The following DCDC2C variants were observed in gnomAD, a reference collection of about 807,000 sequenced individuals.
DCDC2C encodes the protein doublecortin domain-containing protein 2C.
A neutral mutation model predicts 45.0 loss-of-function variants in DCDC2C; 44 were observed. That is an observed-to-expected ratio of 0.98 (90% CI 0.77 to 1.26). The LOEUF (loss-of-function observed/expected upper bound fraction) is 1.26, where lower values mean the gene tolerates loss of function less well. DCDC2C is among the 50% of genes most tolerant of loss of function. DCDC2C has a pLI of 0.00. For missense variants in DCDC2C, 447 were observed against 468.9 expected (o/e 0.95, Z 0.43); for synonymous variants, 187 against 178.8 (o/e 1.05, Z -0.37).
intron 10 of DCDC2C, among the ~76,000 whole-genome samples, chr2:3,841,118 T>A (rs2148246324): frequency 6.6e-6 from 1 of 152,356 alleles, no homozygotes; most frequent in South Asian, 2.1e-4. Context: ...GCATTTATTC[T>A]TATAATATTT....
chr2:3,838,938 G>C (rs1042322972), intron 10 of DCDC2C, among the ~76,000 whole-genome samples: 35 of 152,174 alleles, frequency 2.3e-4, no homozygotes, highest in African/African-American at 8.4e-4. Context: ...ATTTATTTCT[G>C]TTTTTTGGTT....
At chr2:3,751,648 G>T (rs931323787) in intron 4 of DCDC2C, among the ~76,000 whole-genome samples, 1 of 152,188 alleles carries the variant, frequency 6.6e-6, no homozygotes, top group Non-Finnish European at 1.5e-5. Flanking sequence ...CCAGCTCTGC[G>T]GAGGGATAGG....
rs1181534741 is a variant in DCDC2C at position 3,727,058 on chromosome 2, A to G, written c.395A>G (p.His132Arg). Residue 132 changes from histidine (H) to arginine (R), a missense_variant, in exon 3 of 11, where the codon CAT (histidine) becomes CGT (arginine). Transcript: ENST00000399143. ...GTGCCTTCCAAGTGGCAAACATATC[A>G]TCGTATATCTCGACATATAAAGTGA... Reference protein sequence around the residue: ...INVPSKWQTYHRISRHINVFT... With the variant: ...INVPSKWQTYRRISRHINVFT... 6.5e-7 allele frequency: 1 copy of G among 1,550,352 alleles called. No homozygotes were observed. The highest frequency in any genetic ancestry group is 1.2e-5 in the South Asian group (1 of 84,036).
At chr2:3,826,368 A>C (rs1671815519) in intron 10 of DCDC2C, among the ~76,000 whole-genome samples, 1 of 152,214 alleles carries the variant, frequency 6.6e-6, no homozygotes, top group African/African-American at 2.4e-5. Context: ...GTTTTCATGT[A>C]TATGACTTTC....
chr2:3,713,158 T>C (rs577205092), intron 2 of DCDC2C, among the ~76,000 whole-genome samples: 2 of 152,360 alleles, frequency 1.3e-5, no homozygotes, highest in African/African-American at 4.8e-5. Context: ...TGACTGCTTT[T>C]GTACAACTTG....
intron 5 of DCDC2C, among the ~76,000 whole-genome samples, chr2:3,754,312 A>G (rs1406569122): frequency 1.3e-5 from 2 of 152,256 alleles, no homozygotes; most frequent in Non-Finnish European, 2.9e-5. Flanking sequence ...TAGAAATGGG[A>G]TGCCTGCACT....
intron 10 of DCDC2C, among the ~76,000 whole-genome samples, chr2:3,823,662 G>C (rs1671745676): frequency 6.6e-6 from 1 of 152,100 alleles, no homozygotes; most frequent in Non-Finnish European, 1.5e-5. Context: ...TATTTTCATG[G>C]ATATAGAATT....
intron 6 of DCDC2C, among the ~76,000 whole-genome samples, chr2:3,754,955 A>C (rs1275651683): frequency 6.6e-6 from 1 of 152,222 alleles, no homozygotes; most frequent in Non-Finnish European, 1.5e-5. Flanking sequence ...TAACTGACTC[A>C]AGCTTGGCAT....
In DCDC2C at chr2:3,769,376, G is replaced by T. The variant is rs901061813; in HGVS notation, c.919G>T (p.Glu307Ter). Residue 307 changes from glutamate (E) to a stop codon, truncating the protein, a stop_gained, in exon 8 of 11, where the codon GAG becomes TAG. Transcript: ENST00000399143. LOFTEE classifies it high-confidence loss of function. Reference sequence around the variant, plus strand: ...CCAAGGGGCGCTGGACGTCAAAGAGGAGCACAATGTGCAGCTGGAGGTGCC... The same window carrying T: ...CCAAGGGGCGCTGGACGTCAAAGAGTAGCACAATGTGCAGCTGGAGGTGCC... The part of the protein sequence containing the change: ...ETQGALDVKE[E>*]HNVQLEVPVD... 6.4e-7 allele frequency: 1 copy of T among 1,550,548 alleles called. No homozygotes were observed. The highest frequency in any genetic ancestry group is 1.4e-5 in the African/African-American group (1 of 73,152).
At chr2:3,794,291 CTT>C (rs1306796406) in intron 10 of DCDC2C, among the ~76,000 whole-genome samples, 1 of 152,084 alleles carries the variant, frequency 6.6e-6, no homozygotes, top group Non-Finnish European at 1.5e-5. Context: ...TTAGAAAAGA[CTT>C]TTAGTATTGT....
rs1306337127 is a variant in DCDC2C, at chr2:3,752,531, T to G, written c.546-232T>G. The stretch of plus-strand genomic sequence containing the variant: ...TCAAGAGCCTATGAGCACTTGTATA[T>G]AATTAAAAATACACTTTAATTAAAA... On this transcript the variant is annotated intron_variant, in intron 4 of 10. Transcript: ENST00000399143. 3 of 606,328 alleles carry G rather than the reference T, an allele frequency of 4.9e-6. No homozygotes were observed. The Admixed American group carries it at 6.5e-5, about 13-fold the overall frequency. 37.6% of individuals were successfully genotyped at this position (606,328 alleles called of 1,614,324 possible).
chr2:3,773,473 A>G (rs1286235760), intron 8 of DCDC2C, among the ~76,000 whole-genome samples: 1 of 152,094 alleles, frequency 6.6e-6, no homozygotes, highest in Non-Finnish European at 1.5e-5. Flanking sequence ...ATTCTCAGAG[A>G]GCAGTGAATT....
intron 10 of DCDC2C, among the ~76,000 whole-genome samples, chr2:3,800,221 T>A (rs1671080741): frequency 6.6e-6 from 1 of 152,226 alleles, no homozygotes; most frequent in Non-Finnish European, 1.5e-5. Flanking sequence ...CTCGCCCTGC[T>A]TCAGCTCGCA....
intron 6 of DCDC2C, among the ~76,000 whole-genome samples, chr2:3,765,541 A>G (rs1669987695): frequency 1.3e-5 from 2 of 152,164 alleles, no homozygotes; most frequent in Non-Finnish European, 2.9e-5. Context: ...GTGCTAGGTT[A>G]AGGAGTTTGG....
At chr2:3,814,840 T>C (rs1033537162) in intron 10 of DCDC2C, among the ~76,000 whole-genome samples, 14 of 152,200 alleles carry the variant, frequency 9.2e-5, no homozygotes, top group African/African-American at 3.4e-4. Context: ...GCACAGCCAG[T>C]GTGTTGGGCT....
At chr2:3,776,538 C>T (rs1326679178) in intron 8 of DCDC2C, among the ~76,000 whole-genome samples, 3 of 152,212 alleles carry the variant, frequency 2.0e-5, no homozygotes, top group East Asian at 1.9e-4. Flanking sequence ...AAGAGAATCT[C>T]GTCAAATGAG....
chr2:3,782,768 C>T (rs949114561), intron 9 of DCDC2C, among the ~76,000 whole-genome samples: 21 of 152,298 alleles, frequency 1.4e-4, no homozygotes, highest in South Asian at 4.1e-4. Flanking sequence ...CGTGAGCCAC[C>T]GCACCTGGCC....
chr2:3,772,248 A>G (rs935747605), intron 8 of DCDC2C, among the ~76,000 whole-genome samples: 23 of 151,672 alleles, frequency 1.5e-4, no homozygotes, highest in African/African-American at 5.3e-4. Context: ...CCGAGCATCC[A>G]TGGAGGATGT....
At chr2:3,839,354 C>G (rs1672154473) in intron 10 of DCDC2C, among the ~76,000 whole-genome samples, 1 of 152,200 alleles carries the variant, frequency 6.6e-6, no homozygotes, top group Non-Finnish European at 1.5e-5. Flanking sequence ...AGCCTGACAT[C>G]TTAATTCATA....
Sources: gnomAD v4.1 joint callset for allele counts (sites outside exome capture counted in the v4.1 genomes callset) on GRCh38, gnomAD v4.1.1 for gene constraint, MANE v1.5 for transcripts, NCBI Gene and HGNC (gene_info 2026-07-23, HGNC 2026-07-21) for gene names.